The following CASZ1 variants were observed in gnomAD, a reference collection of about 807,000 sequenced individuals.
CASZ1 encodes the protein castor zinc finger 1.
A neutral mutation model predicts 135.2 loss-of-function variants in CASZ1; 28 were observed. The ratio of observed to expected loss-of-function variants is 0.21; its 90% CI spans 0.15 to 0.28. The LOEUF is 0.28. Ranked by LOEUF, CASZ1 falls within the 10% of genes least tolerant of loss-of-function variation. CASZ1 has a pLI of 1.00. For missense variants in CASZ1, 2,161 were observed against 2,453.3 expected, an observed-to-expected ratio of 0.88 and a Z score of 2.52; for synonymous variants, 1,068 against 1,073.4, an observed-to-expected ratio of 0.99 and a Z score of 0.10.
intron 2 of CASZ1, among the ~76,000 whole-genome samples, chr1:10,708,604 T>C (rs1639222244): frequency 6.6e-6 from 1 of 152,092 alleles, no homozygotes; most frequent in African/African-American, 2.4e-5. Context: ...GGGCCTGCTG[T>C]GAGAGTGAGC....
chr1:10,778,574 C>T (rs1415816431), intron 1 of CASZ1, among the ~76,000 whole-genome samples: 2 of 152,136 alleles, frequency 1.3e-5, no homozygotes, highest in Non-Finnish European at 2.9e-5. Context: ...ACACACAAAA[C>T]AACATATGAT....
chr1:10,739,729 T>C lies in CASZ1; in HGVS notation c.-77+20972A>G, dbSNP rs1346500511. Among the ~76,000 whole-genome samples the C allele has an allele frequency of 2.0e-5, 3 of 152,214 alleles. No homozygotes were observed. Among genetic ancestry groups the C allele is most frequent in the African/African-American group, 7.2e-5 (3 of 41,464 alleles). On this transcript the variant is annotated intron_variant, in intron 2 of 20. Coordinates refer to ENST00000377022, the MANE Select transcript of CASZ1 (RefSeq NM_001079843.3). The surrounding 1 kb of genome is among the most constrained non-coding windows in gnomAD (Gnocchi z 4.8). Reference sequence around the variant, plus strand: ...AGGCCCTGCAGCTCCTCCCTCCTGTTTCTCTGGGCCCTCTCTTTGGGGTTC... The same window carrying C: ...AGGCCCTGCAGCTCCTCCCTCCTGTCTCTCTGGGCCCTCTCTTTGGGGTTC...
chr1:10,680,278 C>T (rs7523471), intron 4 of CASZ1, among the ~76,000 whole-genome samples: 3 of 93,300 alleles, frequency 3.2e-5, no homozygotes, highest in Admixed American at 1.2e-4. Context: ...GGCGGGGCGG[C>T]GGGGGATGGT....
At chr1:10,705,857 C>T (rs370814103) in intron 2 of CASZ1, among the ~76,000 whole-genome samples, 15 of 152,370 alleles carry the variant, frequency 9.8e-5, no homozygotes, top group African/African-American at 2.6e-4. Flanking sequence ...CACACTGCTC[C>T]GTGGAGGAGG....
Position 10,759,817 on chromosome 1 carries a change from G to C in CASZ1, c.-77+884C>G, listed in dbSNP as rs569151629. Among the ~76,000 whole-genome samples the C allele has an allele frequency of 3.0e-3, 451 of 152,016 alleles. No individual in the cohort carries two copies. Among genetic ancestry groups the C allele is most frequent in the African/African-American group, 0.011 (441 of 41,466 alleles). On this transcript the variant is annotated intron_variant, in intron 2 of 20. Coordinates refer to ENST00000377022, the MANE Select transcript of CASZ1 (RefSeq NM_001079843.3). The surrounding 1 kb of genome is among the most constrained non-coding windows in gnomAD (Gnocchi z 4.2). ...GGCACACATAGGAAGAGCAGCCCCC[G>C]GCCCTGCCCTCCCCAGACATCCTCT... is the stretch of plus-strand genomic sequence containing the variant.
intron 1 of CASZ1, among the ~76,000 whole-genome samples, chr1:10,785,062 T>TCTCTCTCTCC (rs1640831826): frequency 6.6e-6 from 1 of 151,986 alleles, no homozygotes; most frequent in Non-Finnish European, 1.5e-5. Flanking sequence ...TTTCTGTCTC[T>TCTCTCTCTCC]CTCTCTCTCT....
At chr1:10,712,205 G>T (rs1261095494) in intron 2 of CASZ1, among the ~76,000 whole-genome samples, 1 of 152,104 alleles carries the variant, frequency 6.6e-6, no homozygotes, top group Non-Finnish European at 1.5e-5. Flanking sequence ...AAGTAGCCGG[G>T]CATGGTGGTG....
chr1:10,642,218 CCG>C (rs1642225283), intron 20 of CASZ1: 1 of 151,788 alleles, frequency 6.6e-6, no homozygotes, highest in African/African-American at 2.4e-5. Flanking sequence ...CGGAGCGTGG[CCG>C]GCGAGAAGGA....
chr1:10,641,897 C>CT (rs1642211995), intron 20 of CASZ1, among the ~76,000 whole-genome samples: 1 of 152,146 alleles, frequency 6.6e-6, no homozygotes, highest in Non-Finnish European at 1.5e-5. Context: ...GGATGCTTGG[C>CT]TGTGAGGGGT....
At chr1:10,641,115 C>A (rs1361034236) in intron 20 of CASZ1, among the ~76,000 whole-genome samples, 1 of 152,260 alleles carries the variant, frequency 6.6e-6, no homozygotes, top group Non-Finnish European at 1.5e-5. Context: ...CAAATGTCTG[C>A]CCTGCCCATT....
chr1:10,678,721 C>T (rs1638317905), intron 4 of CASZ1, among the ~76,000 whole-genome samples: 1 of 152,028 alleles, frequency 6.6e-6, no homozygotes, highest in Non-Finnish European at 1.5e-5. Context: ...ACGTCCCGAG[C>T]GGGAGGGGGG....
intron 1 of CASZ1, among the ~76,000 whole-genome samples, chr1:10,782,124 A>G (rs1640773670): frequency 1.3e-5 from 2 of 152,240 alleles, no homozygotes. Flanking sequence ...CTCTATAGAG[A>G]CAGGTTGGTC....
At chr1:10,684,171 A>G (rs1204395904) in intron 4 of CASZ1, among the ~76,000 whole-genome samples, 1 of 138,280 alleles carries the variant, frequency 7.2e-6, no homozygotes, top group East Asian at 2.4e-4. Flanking sequence ...TGATAAACTT[A>G]CGGTGGTGGG....
rs1271787619 is a variant in CASZ1 at position 10,639,387 on chromosome 1, G to A, written c.4835C>T (p.Pro1612Leu). Reference sequence around the variant, plus strand: ...CAGGGAGCCGTCCAGACTGATGGGAGGCCCGGGCGCGGGGCCCTCTGCCGC... The same window carrying A: ...CAGGGAGCCGTCCAGACTGATGGGAAGCCCGGGCGCGGGGCCCTCTGCCGC... The part of the protein sequence containing the change: ...EPAAEGPAPG[P>L]PISLDGSLSL... Residue 1612 changes from proline to leucine, a missense_variant, in exon 21 of 21, where the codon CCT becomes CTT. Pro to Leu is a moderately conservative substitution (Grantham distance 98, BLOSUM62 -3). This residue lies in a region of CASZ1 where 240 missense variants were observed against 321.4 expected (regional missense o/e 0.75). Coordinates refer to ENST00000377022, the MANE Select transcript of CASZ1 (RefSeq NM_001079843.3). This position sits in a 1 kb window ranked among gnomAD's most constrained non-coding sequence, Gnocchi z 4.0. 4.5e-6 allele frequency: 7 copies of A among 1,544,032 alleles called. No homozygotes were observed. The highest frequency in any genetic ancestry group is 6.1e-6 in the Non-Finnish European group (7 of 1,145,408).
Position 10,666,186 on chromosome 1 carries a change from G to T in CASZ1, c.17-615C>A, listed in dbSNP as rs1233808872. Among the ~76,000 whole-genome samples the T allele has an allele frequency of 6.6e-6, 1 of 152,106 alleles. No individual in the cohort carries two copies. Among genetic ancestry groups the T allele is most frequent in the African/African-American group, 2.4e-5 (1 of 41,424 alleles). Reference sequence around the variant, plus strand: ...CCCTGGCGGCTCCTCTGCCAGGCCAGGTCCCTGGGCCCTACCTGACTCCAA... The same window carrying T: ...CCCTGGCGGCTCCTCTGCCAGGCCATGTCCCTGGGCCCTACCTGACTCCAA... On this transcript the variant is annotated intron_variant, in intron 4 of 20. Coordinates refer to ENST00000377022, the MANE Select transcript of CASZ1 (RefSeq NM_001079843.3). The surrounding 1 kb of genome is among the most constrained non-coding windows in gnomAD (Gnocchi z 5.2).
chr1:10,651,296 G>C, intron 11 of CASZ1: 1 of 253,038 alleles, frequency 4.0e-6, no homozygotes, highest in Non-Finnish European at 7.4e-6. Flanking sequence ...TCCTGGCTCA[G>C]GGCCTCCTGG....
rs572824153 is a variant in CASZ1, at chr1:10,700,080, GACACACACACAC to G, written c.-24+5400_-24+5411del. On this transcript the variant is annotated intron_variant, in intron 3 of 20. Transcript: ENST00000377022. The surrounding 1 kb of genome is among the most constrained non-coding windows in gnomAD (Gnocchi z 4.2). ...AGACAGAGAGAGAAAGAGAGATAGA[GACACACACACAC>G]ACACACACACACACACACACACACA... is the stretch of plus-strand genomic sequence containing the variant. Among the ~76,000 whole-genome samples the G allele has an allele frequency of 7.5e-6, 1 of 134,016 alleles. No homozygotes were observed. Among genetic ancestry groups the G allele is most frequent in the Non-Finnish European group, 1.6e-5 (1 of 62,400 alleles). The allele number at this position is 134,016 out of a possible 152,430, so 87.9% of individuals were successfully genotyped here.
intron 2 of CASZ1, among the ~76,000 whole-genome samples, chr1:10,713,755 C>T (rs764302058): frequency 1.2e-4 from 19 of 152,268 alleles, no homozygotes; most frequent in African/African-American, 4.1e-4. Flanking sequence ...GGACACACGT[C>T]GTGTGGGGAC....
At chr1:10,689,406 T>C (rs1460862720) in intron 4 of CASZ1, among the ~76,000 whole-genome samples, 1 of 152,156 alleles carries the variant, frequency 6.6e-6, no homozygotes, top group African/African-American at 2.4e-5. Flanking sequence ...ATTCTGGGGC[T>C]GTGGGGGCTG....
Sources: gnomAD v4.1 joint callset for allele counts (sites outside exome capture counted in the v4.1 genomes callset) on GRCh38, gnomAD v4.1.1 for gene constraint, gnomAD v4.1.1 regional missense constraint, Gnocchi (gnomAD v3.1) non-coding constraint, MANE v1.5 for transcripts, NCBI Gene and HGNC (gene_info 2026-07-23, HGNC 2026-07-21) for gene names.